The following TWIST2 variants were observed in gnomAD, a reference collection of about 807,000 sequenced individuals.
TWIST2 encodes twist-related protein 2.
In TWIST2, 1 loss-of-function variant was observed where a neutral mutation model predicts 11.6. That is an observed-to-expected ratio of 0.09 (90% CI 0.03 to 0.41). TWIST2 has a LOEUF of 0.41. Ranked by LOEUF, TWIST2 falls within the 10% of genes least tolerant of loss-of-function variation. The probability of loss-of-function intolerance (pLI) is 0.98; values close to 1 mark genes in which losing one functional copy is unlikely to be tolerated. For missense variants in TWIST2, 168 were observed against 226.4 expected (o/e 0.74, Z 1.66); for synonymous variants, 87 against 96.6 (o/e 0.90, Z 0.58).
At chr2:238,869,579 C>T (rs1205427354) in intron 1 of TWIST2, among the ~76,000 whole-genome samples, 1 of 152,194 alleles carries the variant, frequency 6.6e-6, no homozygotes, top group African/African-American at 2.4e-5. Context: ...ATACAAATGG[C>T]CAACAAGCAC....
At chr2:238,873,610 C>T (rs891497215) in intron 1 of TWIST2, among the ~76,000 whole-genome samples, 6 of 152,112 alleles carry the variant, frequency 3.9e-5, no homozygotes, top group Admixed American at 1.3e-4. Context: ...AGGTGCACAC[C>T]GTGCACAAGG....
In TWIST2 at chr2:238,870,124, C is replaced by CCA. The variant is rs754441108; in HGVS notation, c.*35+21401_*35+21402dup. Among the ~76,000 whole-genome samples, 10 of 78,796 alleles carry CCA rather than the reference C, an allele frequency of 1.3e-4. 1 individual carries two copies. Among genetic ancestry groups the CCA allele is most frequent in the Non-Finnish European group, 2.1e-4 (8 of 38,662 alleles). 51.7% of individuals were successfully genotyped at this position (78,796 alleles called of 152,430 possible). A position where few individuals can be genotyped will look rare whatever the true frequency, so the allele number is the denominator to read the frequency against. On this transcript the variant is annotated intron_variant, in intron 1 of 1. Transcript: ENST00000612363. ...TGTACACAGACACACCATACACCCC[C>CCA]CACACACACACCACACCCCATACAC... is the stretch of plus-strand genomic sequence containing the variant.
chr2:238,858,430 T>A (rs1372027955), intron 1 of TWIST2, among the ~76,000 whole-genome samples: 5 of 152,322 alleles, frequency 3.3e-5, no homozygotes, highest in East Asian at 3.9e-4. Context: ...AAATTTTAAT[T>A]AGGCAGAAAC....
At chr2:238,891,606 C>T (rs71426558) in intron 1 of TWIST2, among the ~76,000 whole-genome samples, 37,586 of 151,930 alleles carry the variant, frequency 0.25, 4,722 homozygotes, top group Middle Eastern at 0.31. Context: ...AACAGGGGGA[C>T]GGTTTCCCCC....
At chr2:238,894,475 C>T (rs1693184115) in intron 1 of TWIST2, among the ~76,000 whole-genome samples, 2 of 152,246 alleles carry the variant, frequency 1.3e-5, no homozygotes, top group Non-Finnish European at 2.9e-5. Context: ...CCATGTGGTC[C>T]TGGCCTCCCT....
intron 1 of TWIST2, among the ~76,000 whole-genome samples, chr2:238,896,445 T>A (rs900905364): frequency 6.6e-6 from 1 of 152,140 alleles, no homozygotes; most frequent in African/African-American, 2.4e-5. Flanking sequence ...GGCCGAGCAG[T>A]GTCCTTTCAG....
chr2:238,899,658 C>G (rs931359448), intron 1 of TWIST2, among the ~76,000 whole-genome samples: 1 of 152,358 alleles, frequency 6.6e-6, no homozygotes, highest in East Asian at 1.9e-4. Context: ...CCTCCTTTCA[C>G]AGATTTCCAA....
intron 1 of TWIST2, among the ~76,000 whole-genome samples, chr2:238,893,524 C>G (rs1029544176): frequency 7.1e-4 from 108 of 152,292 alleles, no homozygotes; most frequent in African/African-American, 2.4e-3. Context: ...AAACAGGCCC[C>G]GGAGCCTGGA....
At position 238,866,856 on chromosome 2, in the gene TWIST2, C is replaced by G. The variant is rs184741777; in HGVS notation, c.*35+18123C>G. 1.2e-3 allele frequency among the ~76,000 whole-genome samples: 176 copies of G among 152,272 alleles called. No individual in the cohort carries two copies. Among genetic ancestry groups the G allele is most frequent in the Non-Finnish European group, 1.3e-3 (86 of 68,016 alleles). ...CGGCCTGGCAGCTGCGACGGTTTGT[C>G]TGCCTGTCACCCCGGGAGCACCTTC... is the stretch of plus-strand genomic sequence containing the variant. On this transcript the variant is annotated intron_variant, in intron 1 of 1. Coordinates refer to ENST00000612363, the MANE Select transcript of TWIST2 (RefSeq NM_001271893.4). The surrounding 1 kb of genome is among the most constrained non-coding windows in gnomAD (Gnocchi z 4.9).
chr2:238,895,741 G>A (rs1693198690), intron 1 of TWIST2, among the ~76,000 whole-genome samples: 1 of 152,226 alleles, frequency 6.6e-6, no homozygotes, highest in Non-Finnish European at 1.5e-5. Context: ...AGCCCCGGTA[G>A]AGCCCGCCCT....
rs953584780 is a variant in TWIST2 at position 238,906,012 on chromosome 2, T to C, written c.*36-3830T>C. Among the ~76,000 whole-genome samples, 19 of 152,090 alleles carry C rather than the reference T, an allele frequency of 1.2e-4. No homozygotes were observed. In the East Asian group the frequency reaches 1.9e-3, roughly 16 times the overall value. The stretch of plus-strand genomic sequence containing the variant: ...GTGCGCGTGTGTGCGTGTGCGTGTG[T>C]GGTTTTCATACGCATGGGTTTCAGG... On this transcript the variant is annotated intron_variant, in intron 1 of 1. Coordinates refer to ENST00000612363, the MANE Select transcript of TWIST2 (RefSeq NM_001271893.4).
At chr2:238,881,056 CAGTGTT>C (rs1264336199) in intron 1 of TWIST2, among the ~76,000 whole-genome samples, 33 of 86,446 alleles carry the variant, frequency 3.8e-4, no homozygotes, top group Non-Finnish European at 5.6e-4. Flanking sequence ...TTATTAGTGT[CAGTGTT>C]AGTGTTAGTG....
intron 1 of TWIST2, among the ~76,000 whole-genome samples, chr2:238,882,674 A>G (rs1692958573): frequency 6.6e-6 from 1 of 152,200 alleles, no homozygotes; most frequent in Non-Finnish European, 1.5e-5. Flanking sequence ...ACTTAAATTC[A>G]TGGGGAAAAC....
intron 1 of TWIST2, among the ~76,000 whole-genome samples, chr2:238,870,475 G>A (rs878871808): frequency 0.01 from 39 of 3,856 alleles, no homozygotes; most frequent in East Asian, 0.031. Flanking sequence ...CCCGACACAC[G>A]CCACACACAC....
At chr2:238,849,842 C>G (rs1692213616) in intron 1 of TWIST2, among the ~76,000 whole-genome samples, 1 of 152,232 alleles carries the variant, frequency 6.6e-6, no homozygotes, top group Admixed American at 6.5e-5. Context: ...CTCTCATCCG[C>G]CATCCAGGGC....
chr2:238,890,914 C>T (rs1308766907), intron 1 of TWIST2, among the ~76,000 whole-genome samples: 4 of 152,138 alleles, frequency 2.6e-5, no homozygotes, highest in Admixed American at 2.6e-4. Context: ...ACACTCGACT[C>T]CTTAAAGTTC....
chr2:238,849,464 C>G (rs1473108098), intron 1 of TWIST2, among the ~76,000 whole-genome samples: 1 of 152,196 alleles, frequency 6.6e-6, no homozygotes, highest in Non-Finnish European at 1.5e-5. Flanking sequence ...GGGTCCGACG[C>G]AGCCGCGCGG....
In TWIST2 at chr2:238,883,440, C is replaced by T. The variant is rs956337181; in HGVS notation, c.*36-26402C>T. On this transcript the variant is annotated intron_variant, in intron 1 of 1. Coordinates refer to ENST00000612363, the MANE Select transcript of TWIST2 (RefSeq NM_001271893.4). ...TCGTCTCTGAGGAGCTGAGCTGGCTCGCTTGACATTAAACAGGAAAAATAA... is the reference window on the plus strand; with the variant it reads ...TCGTCTCTGAGGAGCTGAGCTGGCTTGCTTGACATTAAACAGGAAAAATAA... Among the ~76,000 whole-genome samples, 5 of 152,200 alleles carry T rather than the reference C, an allele frequency of 3.3e-5. No homozygotes were observed. In the East Asian group the frequency reaches 7.7e-4, roughly 23 times the overall value.
chr2:238,855,360 C>T (rs1574745984), intron 1 of TWIST2, among the ~76,000 whole-genome samples: 2 of 152,138 alleles, frequency 1.3e-5, no homozygotes, highest in East Asian at 1.9e-4. Flanking sequence ...CACCAATGGG[C>T]GAACAGTGTC....
Sources: gnomAD v4.1 joint callset for allele counts (sites outside exome capture counted in the v4.1 genomes callset) on GRCh38, gnomAD v4.1.1 for gene constraint, Gnocchi (gnomAD v3.1) non-coding constraint, MANE v1.5 for transcripts, NCBI Gene and HGNC (gene_info 2026-07-23, HGNC 2026-07-21) for gene names.